The following CREB5 variants were observed in gnomAD, a reference collection of about 807,000 sequenced individuals.
CREB5 encodes cyclic AMP-responsive element-binding protein 5.
In CREB5, 19 loss-of-function variants were observed where a neutral mutation model predicts 57.1. The observed-to-expected ratio is 0.33, with a 90% CI of 0.23 to 0.49. CREB5 has a LOEUF of 0.49. CREB5 is among the 20% of genes least tolerant of loss of function. The pLI, the probability that CREB5 is intolerant of heterozygous loss-of-function variation, is 0.99. For missense variants in CREB5, 579 were observed against 671.6 expected (o/e 0.86, Z 1.52); for synonymous variants, 238 against 238.3 (o/e 1.00, Z 0.01).
intron 7 of CREB5, among the ~76,000 whole-genome samples, chr7:28,764,922 CCA>C (rs771701811): frequency 1.3e-5 from 2 of 152,252 alleles, no homozygotes; most frequent in African/African-American, 4.8e-5. Context: ...TCTTAGGTGA[CCA>C]CAGTTTTGCC....
intron 1 of CREB5, among the ~76,000 whole-genome samples, chr7:28,442,510 G>GT (rs1562718805): frequency 6.6e-6 from 1 of 151,768 alleles, no homozygotes; most frequent in East Asian, 1.9e-4. Flanking sequence ...TTTTTTGTTT[G>GT]TTTTTTGAGA....
intron 4 of CREB5, among the ~76,000 whole-genome samples, chr7:28,523,488 T>C (rs1793299104): frequency 6.6e-6 from 1 of 152,216 alleles, no homozygotes; most frequent in Non-Finnish European, 1.5e-5. Flanking sequence ...GTTTGGCTTT[T>C]TTGATGGGTC....
intron 9 of CREB5, among the ~76,000 whole-genome samples, chr7:28,810,480 G>A (rs748845889): frequency 2.6e-5 from 4 of 152,082 alleles, no homozygotes; most frequent in Non-Finnish European, 5.9e-5. Flanking sequence ...ATCACTTGAG[G>A]TCAGGAGTTT....
intron 2 of CREB5, among the ~76,000 whole-genome samples, chr7:28,494,403 C>A (rs569276141): frequency 6.6e-6 from 1 of 152,074 alleles, no homozygotes; most frequent in Non-Finnish European, 1.5e-5. Context: ...TATTTTAATA[C>A]CTTCAGTATT....
chr7:28,610,828 T>A (rs73687617), intron 5 of CREB5, among the ~76,000 whole-genome samples: 3,060 of 152,114 alleles, frequency 0.02, 114 homozygotes, highest in African/African-American at 0.071. Context: ...GTCTTGGCAA[T>A]TTTTGTGTTG....
chr7:28,821,435 A>G lies in CREB5; in HGVS notation c.*2156A>G, dbSNP rs2128811020. 6.6e-6 allele frequency: 1 copy of G among 151,678 alleles called. No individual in the cohort carries two copies. Among genetic ancestry groups the G allele is most frequent in the East Asian group, 1.9e-4 (1 of 5,180 alleles). 9.4% of individuals were successfully genotyped at this position (151,678 alleles called of 1,614,324 possible). ...GTCCAGTGAAACTTATGACTTGGAT[A>G]TATGGTTGAAGAATCAAAACAAAAG... On this transcript the variant is annotated 3_prime_UTR_variant, in exon 11 of 11. Transcript: ENST00000357727.
intron 1 of CREB5, among the ~76,000 whole-genome samples, chr7:28,472,769 C>T (rs1461905345): frequency 6.6e-6 from 1 of 152,148 alleles, no homozygotes; most frequent in East Asian, 1.9e-4. Context: ...GATCCAAGGT[C>T]TCTCTCTGCA....
intron 4 of CREB5, among the ~76,000 whole-genome samples, chr7:28,560,903 C>CGTGTGCGT: frequency 3.8e-5 from 1 of 26,152 alleles, no homozygotes; most frequent in Non-Finnish European, 8.0e-5. Flanking sequence ...TGTGCGTGCG[C>CGTGTGCGT]GCGTGCGTGT....
At chr7:28,319,288 C>T (rs1319046627) in intron 1 of CREB5, among the ~76,000 whole-genome samples, 1 of 152,140 alleles carries the variant, frequency 6.6e-6, no homozygotes, top group African/African-American at 2.4e-5. Context: ...GCTTGTTTCT[C>T]TTATAGAGTA....
chr7:28,618,926 C>T (rs1241655776), intron 5 of CREB5, among the ~76,000 whole-genome samples: 1 of 152,180 alleles, frequency 6.6e-6, no homozygotes, highest in Non-Finnish European at 1.5e-5. Context: ...GTTACATGCT[C>T]AGAGAATTTT....
intron 5 of CREB5, chr7:28,686,019 C>T: frequency 1.0e-6 from 1 of 956,208 alleles, no homozygotes; most frequent in Non-Finnish European, 1.6e-6. Context: ...GAGGGAGAGC[C>T]AGAGCTAGGC....
At chr7:28,299,506 C>T (rs1378522027) in intron 1 of CREB5, 1 of 152,176 alleles carries the variant, frequency 6.6e-6, no homozygotes, top group Non-Finnish European at 1.5e-5. Context: ...ATTAAAAATT[C>T]AGACCCTCAG....
chr7:28,473,350 G>A (rs908262991), intron 1 of CREB5, among the ~76,000 whole-genome samples: 4 of 152,142 alleles, frequency 2.6e-5, no homozygotes, highest in Admixed American at 2.6e-4. Flanking sequence ...GCTTCCTTGT[G>A]CACCTTTCTC....
At chr7:28,766,868 G>A (rs1056497304) in intron 7 of CREB5, among the ~76,000 whole-genome samples, 2 of 152,154 alleles carry the variant, frequency 1.3e-5, no homozygotes, top group Non-Finnish European at 2.9e-5. Context: ...ATCAAAGAGA[G>A]GTTCTATGTA....
chr7:28,776,323 G>C (rs1806633749), intron 7 of CREB5, among the ~76,000 whole-genome samples: 1 of 138,058 alleles, frequency 7.2e-6, no homozygotes, highest in African/African-American at 2.6e-5. Context: ...GGGCGACAGA[G>C]CGAGACTCTG....
chr7:28,541,724 C>A (rs1583600267), intron 4 of CREB5, among the ~76,000 whole-genome samples: 1 of 152,168 alleles, frequency 6.6e-6, no homozygotes, highest in Admixed American at 6.5e-5. Context: ...AAAAGATTGG[C>A]AGTCAGGTGC....
At chr7:28,466,814 A>C (rs1790596066) in intron 1 of CREB5, among the ~76,000 whole-genome samples, 1 of 152,188 alleles carries the variant, frequency 6.6e-6, no homozygotes, top group African/African-American at 2.4e-5. Flanking sequence ...TATGATCCGG[A>C]AAATGTAGTG....
At chr7:28,426,011 C>T (rs1208454847) in intron 1 of CREB5, among the ~76,000 whole-genome samples, 1 of 152,220 alleles carries the variant, frequency 6.6e-6, no homozygotes, top group Non-Finnish European at 1.5e-5. Context: ...ACTGACTTGG[C>T]CCTTTTCTTT....
intron 1 of CREB5, among the ~76,000 whole-genome samples, chr7:28,402,353 C>T (rs893548760): frequency 2.0e-5 from 3 of 152,180 alleles, no homozygotes; most frequent in East Asian, 1.9e-4. Flanking sequence ...AAAAAGAGCC[C>T]GCATTGCCAA....
Sources: gnomAD v4.1 joint callset for allele counts (sites outside exome capture counted in the v4.1 genomes callset) on GRCh38, gnomAD v4.1.1 for gene constraint, MANE v1.5 for transcripts, NCBI Gene and HGNC (gene_info 2026-07-23, HGNC 2026-07-21) for gene names.